Variants in RAB28 observed in about 807,000 individuals in gnomAD.
RAB28 encodes the protein ras-related protein Rab-28.
RAB28 carries 24 observed loss-of-function variants against 31.7 expected under a neutral mutation model. That is an observed-to-expected ratio of 0.76 (90% confidence interval 0.55 to 1.06). The LOEUF is 1.06. Among genes scored for constraint, RAB28 ranks in the 50% least tolerant of loss-of-function variants. The pLI is 0.00. For synonymous variants in RAB28, 100 were observed against 90.4 expected (o/e 1.11, Z -0.60); for missense variants, 254 against 258.5 (o/e 0.98, Z 0.12).
chr4:13,413,571 T>C (rs1712570785), intron 4 of RAB28, among the ~76,000 whole-genome samples: 1 of 151,870 alleles, frequency 6.6e-6, no homozygotes, highest in African/African-American at 2.4e-5. Context: ...AGAGAGAAAA[T>C]GAACCCAAAA....
At chr4:13,389,266 A>C (rs1311491226) in intron 4 of RAB28, among the ~76,000 whole-genome samples, 4 of 152,138 alleles carry the variant, frequency 2.6e-5, no homozygotes, top group Non-Finnish European at 4.4e-5. Context: ...TCAAATTCAG[A>C]GACAGAAAGT....
Position 13,468,492 on chromosome 4 carries a change from G to C in RAB28, c.261+5826C>G, listed in dbSNP as rs1454309832. 2.6e-5 allele frequency among the ~76,000 whole-genome samples: 4 copies of C among 151,518 alleles called. No individual in the cohort carries two copies. The South Asian group carries it at 8.3e-4, about 31-fold the overall frequency. Reference sequence around the variant, plus strand: ...TCTAAATAACACAAGCATCAAAGAAGTCTCAAAAATAATTTTAAAATAGTT... The same window carrying C: ...TCTAAATAACACAAGCATCAAAGAACTCTCAAAAATAATTTTAAAATAGTT... On this transcript the variant is annotated intron_variant, in intron 3 of 6. Coordinates refer to ENST00000330852, the MANE Select transcript of RAB28 (RefSeq NM_001017979.3).
At chr4:13,480,882 T>C (rs1032932503) in intron 1 of RAB28, among the ~76,000 whole-genome samples, 1 of 151,978 alleles carries the variant, frequency 6.6e-6, no homozygotes, top group African/African-American at 2.4e-5. Context: ...GTTTCTCATC[T>C]ACACTATATT....
intron 4 of RAB28, among the ~76,000 whole-genome samples, chr4:13,455,001 A>G (rs923738808): frequency 4.6e-5 from 7 of 152,180 alleles, no homozygotes; most frequent in African/African-American, 1.7e-4. Flanking sequence ...CAGACCCAGA[A>G]TATTGATGGC....
chr4:13,373,276 T>TA (rs112244399), intron 6 of RAB28, among the ~76,000 whole-genome samples: 8,250 of 152,130 alleles, frequency 0.054, 469 homozygotes, highest in African/African-American at 0.14. Context: ...ACTTTGCAAA[T>TA]AAAAAATCTG....
chr4:13,385,849 A>T (rs1476824266), intron 4 of RAB28, among the ~76,000 whole-genome samples: 1 of 152,206 alleles, frequency 6.6e-6, no homozygotes, highest in East Asian at 1.9e-4. Flanking sequence ...ATCTTTCACC[A>T]TAAGCAAAAA....
intron 4 of RAB28, among the ~76,000 whole-genome samples, chr4:13,397,996 C>T (rs1560276505): frequency 6.6e-6 from 1 of 151,450 alleles, no homozygotes. Context: ...CGGTATCAAG[C>T]AGACAGAGGA....
At chr4:13,406,504 T>C (rs1233267634) in intron 4 of RAB28, among the ~76,000 whole-genome samples, 2 of 152,232 alleles carry the variant, frequency 1.3e-5, no homozygotes, top group Non-Finnish European at 2.9e-5. Context: ...TATAGTCCTT[T>C]GGGTATATAC....
intron 4 of RAB28, among the ~76,000 whole-genome samples, chr4:13,385,494 C>T (rs1200412622): frequency 6.6e-6 from 1 of 152,166 alleles, no homozygotes; most frequent in East Asian, 1.9e-4. Flanking sequence ...ATAAGACTAA[C>T]AGACCTCTTA....
chr4:13,462,247 G>A (rs925470433), intron 3 of RAB28, among the ~76,000 whole-genome samples: 2 of 152,094 alleles, frequency 1.3e-5, no homozygotes, highest in Non-Finnish European at 2.9e-5. Flanking sequence ...CAATTTTCAT[G>A]GTGTAAATGC....
intron 5 of RAB28, among the ~76,000 whole-genome samples, chr4:13,379,307 G>C (rs1415969932): frequency 6.6e-6 from 1 of 151,322 alleles, no homozygotes; most frequent in African/African-American, 2.4e-5. Context: ...GCCCACTTGA[G>C]ATTAGTGATT....
intron 5 of RAB28, 63 bp downstream of exon 5, chr4:13,381,428 C>T (rs1028430785): frequency 1.4e-5 from 17 of 1,214,918 alleles, no homozygotes; most frequent in Non-Finnish European, 1.9e-5. Flanking sequence ...TGGAAGTATA[C>T]TTCCTAGGAA....
chr4:13,408,042 A>T (rs1712204337), intron 4 of RAB28, among the ~76,000 whole-genome samples: 1 of 152,202 alleles, frequency 6.6e-6, no homozygotes, highest in Admixed American at 6.5e-5. Context: ...AGAACTTCCA[A>T]TACTATGTCG....
intron 6 of RAB28, chr4:13,370,912 C>T (rs1728689342): frequency 1.0e-6 from 1 of 964,424 alleles, no homozygotes; most frequent in Non-Finnish European, 1.2e-6. Flanking sequence ...GATAAAAAGA[C>T]CATATGTGAC....
intron 4 of RAB28, among the ~76,000 whole-genome samples, chr4:13,392,421 T>A (rs1035533198): frequency 1.1e-4 from 17 of 152,228 alleles, no homozygotes; most frequent in Non-Finnish European, 1.5e-5. Context: ...ATAGATTATA[T>A]ACAAGAATTT....
chr4:13,423,490 G>GA lies in RAB28; in HGVS notation c.391+37208dup, dbSNP rs368363726. Among the ~76,000 whole-genome samples the GA allele has an allele frequency of 1.7e-4, 25 of 149,178 alleles. 1 individual carries two copies. Among genetic ancestry groups the GA allele is most frequent in the African/African-American group, 5.4e-4 (22 of 40,646 alleles). ...ACAAGTGAAACTCCGTCTCGGGGGG[G>GA]AAAAAAAAAGGTGAGAATAAGTCAA... is the stretch of plus-strand genomic sequence containing the variant. On this transcript the variant is annotated intron_variant, in intron 4 of 6. Coordinates refer to ENST00000330852, the MANE Select transcript of RAB28 (RefSeq NM_001017979.3).
intron 6 of RAB28, among the ~76,000 whole-genome samples, chr4:13,372,811 G>A (rs1017306088): frequency 3.0e-4 from 45 of 152,072 alleles, no homozygotes; most frequent in African/African-American, 1.1e-3. Flanking sequence ...ATGGGTACTT[G>A]TACTGTACAA....
chr4:13,373,404 T>C (rs964542065), intron 6 of RAB28, among the ~76,000 whole-genome samples: 1 of 152,144 alleles, frequency 6.6e-6, no homozygotes, highest in African/African-American at 2.4e-5. Context: ...AATGAAACTA[T>C]TAACCAAATT....
chr4:13,460,007 G>C, intron 4 of RAB28: 1 of 771,030 alleles, frequency 1.3e-6, no homozygotes, highest in Non-Finnish European at 1.9e-6. Context: ...AGTTATAATA[G>C]ACCACGCATC....
Sources: gnomAD v4.1 joint callset for allele counts (sites outside exome capture counted in the v4.1 genomes callset) on GRCh38, gnomAD v4.1.1 for gene constraint, MANE v1.5 for transcripts, NCBI Gene and HGNC (gene_info 2026-07-23, HGNC 2026-07-21) for gene names.